Variants in NCKAP1 observed in about 807,000 individuals in gnomAD.
NCKAP1 encodes the protein nck-associated protein 1.
NCKAP1 carries 21 observed loss-of-function variants against 151.2 expected under a neutral mutation model. The ratio of observed to expected loss-of-function variants is 0.14; its 90% CI spans 0.10 to 0.20. The LOEUF (loss-of-function observed/expected upper bound fraction) is 0.20, where lower values mean the gene tolerates loss of function less well. Ranked by LOEUF, NCKAP1 falls within the 10% of genes least tolerant of loss-of-function variation. The probability of loss-of-function intolerance (pLI) is 1.00; values close to 1 mark genes in which losing one functional copy is unlikely to be tolerated. For missense variants in NCKAP1, 933 were observed against 1,352.1 expected, an observed-to-expected ratio of 0.69 and a Z score of 4.86; for synonymous variants, 484 against 451.8, an observed-to-expected ratio of 1.07 and a Z score of -0.90.
At chr2:182,949,824 T>C (rs937152499) in intron 23 of NCKAP1, among the ~76,000 whole-genome samples, 3 of 152,194 alleles carry the variant, frequency 2.0e-5, no homozygotes, top group African/African-American at 4.8e-5. Context: ...GCTAGCTATT[T>C]TTATTTTTGC....
rs1280995096 is a variant in NCKAP1 at position 182,928,280 on chromosome 2, G to C, written c.3071-54C>G. 5 of 1,252,792 alleles carry C rather than the reference G, an allele frequency of 4.0e-6. No individual in the cohort carries two copies. In the African/African-American group the frequency reaches 4.5e-5, roughly 11 times the overall value. The allele number at this position is 1,252,792 out of a possible 1,614,324, so 77.6% of individuals were successfully genotyped here. A position where few individuals can be genotyped will look rare whatever the true frequency, so the allele number is the denominator to read the frequency against. On this transcript the variant is annotated intron_variant, in intron 28 of 30. Coordinates refer to ENST00000361354, the MANE Select transcript of NCKAP1 (RefSeq NM_013436.5). ...ACCCCAAAATAGCAAATAATACATA[G>C]AAGGCAAATCTTTAATGACTTCACA...
rs1192594836 is a variant in NCKAP1, at chr2:182,920,454, T to C, written c.*5248A>G. On this transcript the variant is annotated 3_prime_UTR_variant, in exon 31 of 31. Transcript: ENST00000361354. ...TCTAGAACCAAAATATGAGTCCGTG[T>C]GGGCTGCTATAACGAAATGCCTTAG... 2 of 152,242 alleles carry C rather than the reference T, an allele frequency of 1.3e-5. No homozygotes were observed. Among genetic ancestry groups the C allele is most frequent in the Non-Finnish European group, 2.9e-5 (2 of 68,048 alleles). The allele number at this position is 152,242 out of a possible 1,614,324, so 9.4% of individuals were successfully genotyped here. A position where few individuals can be genotyped will look rare whatever the true frequency, so the allele number is the denominator to read the frequency against.
chr2:182,955,651 A>C (rs1697309248), intron 20 of NCKAP1, among the ~76,000 whole-genome samples: 1 of 152,222 alleles, frequency 6.6e-6, no homozygotes, highest in Admixed American at 6.5e-5. Flanking sequence ...CAAACATTTT[A>C]CTGTGACCTA....
At chr2:183,004,830 G>A (rs1281515936) in intron 2 of NCKAP1, among the ~76,000 whole-genome samples, 1 of 149,696 alleles carries the variant, frequency 6.7e-6, no homozygotes, top group Non-Finnish European at 1.5e-5. Flanking sequence ...GCTGCAGTAA[G>A]CTTAGATCGA....
In NCKAP1 at chr2:182,992,501, A is replaced by G. The variant is rs183183474; in HGVS notation, c.790+2338T>C. Among the ~76,000 whole-genome samples, 474 of 152,312 alleles carry G rather than the reference A, an allele frequency of 3.1e-3. 7 individuals are homozygous for G. The highest frequency in any genetic ancestry group is 0.01 in the African/African-American group (436 of 41,574). On this transcript the variant is annotated intron_variant, in intron 8 of 30. Transcript: ENST00000361354. The stretch of plus-strand genomic sequence containing the variant: ...GAAGTCACTAATGACAGCTAACTCT[A>G]CTAATTAACTCAATTATTCATCTGT...
chr2:183,034,056 T>C (rs1381076018), intron 1 of NCKAP1, among the ~76,000 whole-genome samples: 1 of 152,186 alleles, frequency 6.6e-6, no homozygotes, highest in African/African-American at 2.4e-5. Context: ...TGCATCTGAT[T>C]GACCAAAAGA....
intron 2 of NCKAP1, among the ~76,000 whole-genome samples, chr2:183,007,916 G>A (rs1698510995): frequency 1.3e-5 from 2 of 151,986 alleles, no homozygotes; most frequent in Admixed American, 6.6e-5. Flanking sequence ...CACAGTGAAT[G>A]TTTTTTGTTT....
rs1027023418 is a variant in NCKAP1 at position 182,923,065 on chromosome 2, T to C, written c.*2637A>G. 3.3e-5 allele frequency: 5 copies of C among 152,120 alleles called. No individual in the cohort carries two copies. The highest frequency in any genetic ancestry group is 9.7e-5 in the African/African-American group (4 of 41,440). The allele number at this position is 152,120 out of a possible 1,614,324, so 9.4% of individuals were successfully genotyped here. A position where few individuals can be genotyped will look rare whatever the true frequency, so the allele number is the denominator to read the frequency against. ...CATCACTAAAATCCAAGCTCAACTA[T>C]AAAAGGGTCACCTTTTTGCTCACCA... On this transcript the variant is annotated 3_prime_UTR_variant, in exon 31 of 31. Coordinates refer to ENST00000361354, the MANE Select transcript of NCKAP1 (RefSeq NM_013436.5).
intron 18 of NCKAP1, among the ~76,000 whole-genome samples, chr2:182,961,774 A>G (rs950400213): frequency 1.3e-5 from 2 of 151,086 alleles, no homozygotes; most frequent in African/African-American, 2.4e-5. Context: ...GTTGGAAAGA[A>G]AAAAAAAAGG....
At chr2:183,023,957 T>C in intron 1 of NCKAP1, 41 bp from the exon 2 acceptor site, 2 of 1,331,794 alleles carry the variant, frequency 1.5e-6, no homozygotes, top group Non-Finnish European at 2.1e-6. Flanking sequence ...AATGCACCCT[T>C]CTTCTAAAAT....
At chr2:183,009,421 G>GGGAAGGAAGGAAGGAAGGAAGGAA (rs1168445882) in intron 2 of NCKAP1, among the ~76,000 whole-genome samples, 2 of 82,570 alleles carry the variant, frequency 2.4e-5, no homozygotes, top group Admixed American at 1.5e-4. Context: ...AAAGAGGGAA[G>GGGAAGGAAGGAAGGAAGGAAGGAA]GGAAGGAAGG....
intron 27 of NCKAP1, among the ~76,000 whole-genome samples, chr2:182,929,207 A>G (rs775745163): frequency 3.3e-5 from 5 of 151,954 alleles, no homozygotes; most frequent in East Asian, 3.9e-4. Context: ...TACAGTTAGG[A>G]TAACTGCAAT....
At chr2:183,031,799 G>C (rs1050597385) in intron 1 of NCKAP1, among the ~76,000 whole-genome samples, 9 of 152,170 alleles carry the variant, frequency 5.9e-5, no homozygotes, top group Non-Finnish European at 1.2e-4. Flanking sequence ...GATTACAAGA[G>C]TTAGAATCAA....
intron 17 of NCKAP1, among the ~76,000 whole-genome samples, chr2:182,963,808 A>T (rs1697505925): frequency 6.6e-6 from 1 of 152,142 alleles, no homozygotes; most frequent in Non-Finnish European, 1.5e-5. Flanking sequence ...TCATAAATCT[A>T]TTAAAATTCG....
intron 9 of NCKAP1, among the ~76,000 whole-genome samples, chr2:182,988,458 T>A (rs1423736352): frequency 6.6e-6 from 1 of 152,138 alleles, no homozygotes; most frequent in Non-Finnish European, 1.5e-5. Context: ...GGCTACAGAA[T>A]CTCAAGTGGA....
At position 183,038,038 on chromosome 2, in the gene NCKAP1, T is replaced by C; in HGVS notation, c.62A>G (p.Asn21Ser). 1.3e-6 allele frequency: 2 copies of C among 1,586,306 alleles called. No homozygotes were observed. Among genetic ancestry groups the C allele is most frequent in the African/African-American group, 1.4e-5 (1 of 72,750 alleles). Residue 21 changes from asparagine to serine, a missense_variant, in exon 1 of 31, where the codon AAC becomes AGC. This residue lies in a region of NCKAP1 where 607 missense variants were observed against 795.0 expected (regional missense o/e 0.76). Coordinates refer to ENST00000361354, the MANE Select transcript of NCKAP1 (RefSeq NM_013436.5). ...QKLAEKLTIL[N>S]DRGVGMLTRL... ...GGTGAGCATGCCGACGCCCCGGTCG[T>C]TGAGGATGGTGAGCTTCTCCGCCAG...
chr2:182,926,421 T>C (rs1696649404), intron 30 of NCKAP1, among the ~76,000 whole-genome samples: 1 of 151,988 alleles, frequency 6.6e-6, no homozygotes, highest in Non-Finnish European at 1.5e-5. Context: ...TCACAGATAC[T>C]GCAGAGAGGG....
In NCKAP1 at chr2:183,027,030, C is replaced by A. The variant is rs114936950; in HGVS notation, c.109-3114G>T. On this transcript the variant is annotated intron_variant, in intron 1 of 30. Transcript: ENST00000361354. The stretch of plus-strand genomic sequence containing the variant: ...CTCAATCAAATATTTCCTTTATTCA[C>A]TTTAAGCCTAAACATCTAAATACAG... Among the ~76,000 whole-genome samples the A allele has an allele frequency of 8.4e-3, 1,273 of 152,192 alleles. 18 individuals carry two copies. Among genetic ancestry groups the A allele is most frequent in the African/African-American group, 0.029 (1,211 of 41,512 alleles).
At chr2:182,979,189 G>T (rs955793573) in intron 13 of NCKAP1, among the ~76,000 whole-genome samples, 1 of 152,000 alleles carries the variant, frequency 6.6e-6, no homozygotes, top group Non-Finnish European at 1.5e-5. Context: ...TTTTTAAGGC[G>T]AAAGTATAAT....
Sources: gnomAD v4.1 joint callset for allele counts (sites outside exome capture counted in the v4.1 genomes callset) on GRCh38, gnomAD v4.1.1 for gene constraint, gnomAD v4.1.1 regional missense constraint, MANE v1.5 for transcripts, NCBI Gene and HGNC (gene_info 2026-07-23, HGNC 2026-07-21) for gene names.